NLRP5: variants seen among roughly 807,000 people sequenced by gnomAD.
NLRP5 encodes the protein NACHT, LRR and PYD domains-containing protein 5.
A neutral mutation model predicts 113.1 loss-of-function variants in NLRP5; 93 were observed. The ratio of observed to expected loss-of-function variants is 0.82; its 90% confidence interval spans 0.70 to 0.98. The LOEUF is 0.98. NLRP5 is among the 50% of genes least tolerant of loss of function. The probability of loss-of-function intolerance (pLI) is 0.00; values close to 1 mark genes in which losing one functional copy is unlikely to be tolerated. For synonymous variants in NLRP5, 751 were observed against 600.7 expected (o/e 1.25, Z -3.66); for missense variants, 1,808 against 1,514.3 (o/e 1.19, Z -3.22).
upstream of NLRP5, among the ~76,000 whole-genome samples, chr19:55,998,708 G>GTATATATA (rs1429404937): frequency 5.1e-5 from 3 of 59,350 alleles, no homozygotes; most frequent in African/African-American, 8.1e-5. Flanking sequence ...ATATATGTGT[G>GTATATATA]TGTGTGTATA....
the NLRP5 span, among the ~76,000 whole-genome samples, chr19:55,988,972 G>C: frequency 2.0e-5 from 3 of 152,052 alleles, no homozygotes; most frequent in African/African-American, 7.2e-5. Context: ...TTAAACATGT[G>C]CTCAGAAATA....
chr19:56,039,263 T>C (rs1983431448), intron 10 of NLRP5, among the ~76,000 whole-genome samples: 1 of 152,194 alleles, frequency 6.6e-6, no homozygotes, highest in South Asian at 2.1e-4. Context: ...CCACCCAGCG[T>C]GGCAGCCATT....
chr19:56,026,397 A>G (rs983381164), intron 6 of NLRP5, among the ~76,000 whole-genome samples: 5 of 151,230 alleles, frequency 3.3e-5, no homozygotes, highest in Non-Finnish European at 7.4e-5. Context: ...GCGTGGTGGC[A>G]GGCACCTGTA....
intron 2 of NLRP5, among the ~76,000 whole-genome samples, chr19:56,005,198 T>C (rs1371259473): frequency 7.3e-6 from 1 of 136,874 alleles, no homozygotes; most frequent in Non-Finnish European, 1.6e-5. Context: ...TATTTTTATA[T>C]ACACATACAC....
chr19:56,027,262 C>A lies in NLRP5; in HGVS notation c.1029C>A (p.Ser343=). 1 of 1,612,386 alleles carries A rather than the reference C, an allele frequency of 6.2e-7. No homozygotes were observed. Among genetic ancestry groups the A allele is most frequent in the East Asian group, 2.2e-5 (1 of 44,872 alleles). Residue 343 remains serine, a synonymous_variant, in exon 7 of 15, where the codon TCC becomes TCA. Transcript: ENST00000390649. Reference sequence around the variant, plus strand: ...TCATCTCCAGGGAGTGGCCAGACTCCCAGGCTCCGGTGACGGAGATCATGT... The same window carrying A: ...TCATCTCCAGGGAGTGGCCAGACTCACAGGCTCCGGTGACGGAGATCATGT...
chr19:56,024,488 C>T (rs527586375), intron 6 of NLRP5, among the ~76,000 whole-genome samples: 18 of 143,444 alleles, frequency 1.3e-4, no homozygotes, highest in South Asian at 2.2e-4. Context: ...TACGTACATG[C>T]GTATATACAT....
At chr19:56,001,595 C>G (rs1228513025) in intron 1 of NLRP5, among the ~76,000 whole-genome samples, 3 of 152,048 alleles carry the variant, frequency 2.0e-5, no homozygotes, top group Admixed American at 2.0e-4. Flanking sequence ...CCCTGCAGGT[C>G]AAGGGAGTAT....
At chr19:56,033,209 C>A (rs1983190176) in intron 8 of NLRP5, among the ~76,000 whole-genome samples, 1 of 152,094 alleles carries the variant, frequency 6.6e-6, no homozygotes, top group African/African-American at 2.4e-5. Context: ...CAAGATCGCA[C>A]CACGGCATTC....
upstream of NLRP5, among the ~76,000 whole-genome samples, chr19:55,998,017 A>G (rs1317153351): frequency 6.6e-6 from 1 of 152,172 alleles, no homozygotes; most frequent in Non-Finnish European, 1.5e-5. Context: ...AAATGGTTTT[A>G]TCATAATCAA....
At chr19:56,030,659 C>T (rs1025730853) in intron 7 of NLRP5, among the ~76,000 whole-genome samples, 2 of 150,686 alleles carry the variant, frequency 1.3e-5, no homozygotes, top group Non-Finnish European at 2.9e-5. Flanking sequence ...AAAGTCAAAG[C>T]TACTTGTGTT....
chr19:56,001,800 C>A (rs912931273), intron 1 of NLRP5, among the ~76,000 whole-genome samples: 1 of 152,096 alleles, frequency 6.6e-6, no homozygotes, highest in Non-Finnish European at 1.5e-5. Context: ...ACACCAATAC[C>A]GCCCCTCAGA....
the NLRP5 span, among the ~76,000 whole-genome samples, chr19:55,990,812 A>C: frequency 6.6e-6 from 1 of 152,092 alleles, no homozygotes; most frequent in Non-Finnish European, 1.5e-5. Context: ...GCGACGGAGC[A>C]AGACTCTGTC....
chr19:56,024,340 TAA>T (rs771516465), intron 6 of NLRP5, among the ~76,000 whole-genome samples: 14 of 110,206 alleles, frequency 1.3e-4, no homozygotes, highest in Admixed American at 3.0e-4. Flanking sequence ...CATCTCTGCT[TAA>T]AAAAAAAAAA....
At position 56,027,144 on chromosome 19, in the gene NLRP5, C is replaced by T. The variant is rs774335617; in HGVS notation, c.911C>T (p.Ala304Val). Residue 304 changes from alanine to valine, a missense_variant, in exon 7 of 15, where the codon GCG (alanine) becomes GTG (valine). Ala to Val is a moderately conservative substitution (Grantham distance 64). Transcript: ENST00000390649. ...GCCAGAAGGATCGTGCTGTGCTGGG[C>T]GCAAGGTGGACTCTACCAGGGAATG... 8.7e-6 allele frequency: 14 copies of T among 1,600,110 alleles called. No individual in the cohort carries two copies. Among genetic ancestry groups the T allele is most frequent in the Middle Eastern group, 1.6e-4 (1 of 6,068 alleles).
At chr19:56,040,798 C>A in intron 10 of NLRP5, 124 bp from the exon 11 acceptor site, 1 of 748,448 alleles carries the variant, frequency 1.3e-6, no homozygotes, top group Non-Finnish European at 2.1e-6. Context: ...GCGACTTCAC[C>A]ATATGTCTGC....
chr19:56,047,375 G>A (rs1983767108), intron 11 of NLRP5, among the ~76,000 whole-genome samples: 1 of 152,052 alleles, frequency 6.6e-6, no homozygotes, highest in African/African-American at 2.4e-5. Flanking sequence ...TAGGCGTTGA[G>A]GGCTATGAAC....
chr19:56,059,515 T>G (rs964819118), intron 14 of NLRP5, among the ~76,000 whole-genome samples: 2 of 151,890 alleles, frequency 1.3e-5, no homozygotes, highest in African/African-American at 2.4e-5. Context: ...CCATTTGAGG[T>G]TGGTTGTGGT....
At chr19:56,044,427 G>A (rs574466233) in intron 11 of NLRP5, among the ~76,000 whole-genome samples, 8 of 152,292 alleles carry the variant, frequency 5.3e-5, no homozygotes, top group South Asian at 2.1e-4. Context: ...TTCATTCTCC[G>A]ACATGTGGCT....
intron 11 of NLRP5, among the ~76,000 whole-genome samples, chr19:56,045,893 G>T (rs1469987048): frequency 2.0e-5 from 3 of 152,180 alleles, no homozygotes; most frequent in Non-Finnish European, 4.4e-5. Context: ...ACAGGAGCTA[G>T]CTGTTTTTCT....
Sources: allele counts gnomAD v4.1 joint callset (sites outside exome capture counted in the v4.1 genomes callset), GRCh38; gene constraint gnomAD v4.1.1; transcripts MANE v1.5; gene names NCBI Gene and HGNC (gene_info 2026-07-23, HGNC 2026-07-21).